MEI4: variants seen among roughly 807,000 people sequenced by gnomAD.
MEI4 encodes the protein meiosis-specific protein MEI4.
In MEI4, 27 loss-of-function variants were observed where a neutral mutation model predicts 31.4. That is an observed-to-expected ratio of 0.86 (90% CI 0.63 to 1.19). The LOEUF is 1.19. Among genes scored for constraint, MEI4 ranks in the 50% most tolerant of loss-of-function variants. The pLI is 0.00. For synonymous variants in MEI4, 122 were observed against 145.4 expected, an observed-to-expected ratio of 0.84 and a Z score of 1.16; for missense variants, 329 against 398.9, an observed-to-expected ratio of 0.82 and a Z score of 1.49.
chr6:77,672,386 T>A (rs1049335918), intron 1 of MEI4, among the ~76,000 whole-genome samples: 26 of 152,248 alleles, frequency 1.7e-4, no homozygotes, highest in Non-Finnish European at 2.9e-5. Flanking sequence ...TATTTAAAAT[T>A]ATTTTTAATT....
intron 4 of MEI4, among the ~76,000 whole-genome samples, chr6:77,875,793 G>C (rs777637966): frequency 2.6e-5 from 4 of 152,146 alleles, no homozygotes; most frequent in African/African-American, 9.7e-5. Flanking sequence ...TATAGCATGA[G>C]AGATGCATAT....
intron 4 of MEI4, among the ~76,000 whole-genome samples, chr6:77,845,844 A>G (rs1308394170): frequency 6.8e-6 from 1 of 147,962 alleles, no homozygotes; most frequent in Non-Finnish European, 1.5e-5. Flanking sequence ...TTTCATTGAG[A>G]TATTTGTTGA....
chr6:77,870,137 A>G (rs1771155721), intron 4 of MEI4, among the ~76,000 whole-genome samples: 1 of 152,168 alleles, frequency 6.6e-6, no homozygotes, highest in African/African-American at 2.4e-5. Context: ...CAAATTTAAG[A>G]TAGTATGAAA....
intron 1 of MEI4, among the ~76,000 whole-genome samples, chr6:77,667,243 A>G (rs1255411720): frequency 2.0e-5 from 3 of 152,228 alleles, no homozygotes; most frequent in South Asian, 2.1e-4. Flanking sequence ...AGAGTATCCA[A>G]TTTTCAGAGG....
intron 4 of MEI4, among the ~76,000 whole-genome samples, chr6:77,919,139 C>G (rs994248260): frequency 2.6e-5 from 4 of 151,922 alleles, no homozygotes; most frequent in Admixed American, 2.0e-4. Context: ...AGTTCTGCAC[C>G]AAGCGGACCT....
intron 1 of MEI4, among the ~76,000 whole-genome samples, chr6:77,671,679 A>G (rs965956803): frequency 6.9e-6 from 1 of 144,040 alleles, no homozygotes. Context: ...CAGTGTATCT[A>G]TAAGGCCTTT....
chr6:77,653,232 A>C, intron 1 of MEI4, among the ~76,000 whole-genome samples, 140 bp downstream of exon 1: 1 of 152,206 alleles, frequency 6.6e-6, no homozygotes, highest in Non-Finnish European at 1.5e-5. Context: ...CTAAATATGA[A>C]CTAAGTAGAC....
chr6:77,892,166 G>A (rs1765975659), intron 4 of MEI4, among the ~76,000 whole-genome samples: 2 of 152,162 alleles, frequency 1.3e-5, no homozygotes, highest in Admixed American at 1.3e-4. Context: ...GGTGTACATA[G>A]TGGGTGTGGT....
At chr6:77,658,557 G>A (rs142964900) in intron 1 of MEI4, among the ~76,000 whole-genome samples, 3,890 of 152,084 alleles carry the variant, frequency 0.026, 178 homozygotes, top group African/African-American at 0.088. Flanking sequence ...GAGAGTGGGC[G>A]ATGTTTCTCA....
intron 4 of MEI4, among the ~76,000 whole-genome samples, chr6:77,873,639 T>C (rs946634938): frequency 2.1e-4 from 32 of 152,392 alleles, no homozygotes; most frequent in African/African-American, 7.2e-4. Context: ...TTGGCTTTTG[T>C]TGCCATTGCT....
At chr6:77,778,718 T>A (rs1265461859) in intron 3 of MEI4, among the ~76,000 whole-genome samples, 2 of 150,258 alleles carry the variant, frequency 1.3e-5, no homozygotes, top group African/African-American at 4.9e-5. Flanking sequence ...AATAAATAAA[T>A]AAATAAATAA....
chr6:77,733,564 A>T (rs1157230973), intron 2 of MEI4, among the ~76,000 whole-genome samples: 4 of 151,732 alleles, frequency 2.6e-5, no homozygotes, highest in Non-Finnish European at 4.4e-5. Flanking sequence ...TTTGTTGATC[A>T]TTTCAAAAAA....
At chr6:77,872,134 C>T (rs1562020570) in intron 4 of MEI4, among the ~76,000 whole-genome samples, 1 of 152,140 alleles carries the variant, frequency 6.6e-6, no homozygotes, top group African/African-American at 2.4e-5. Flanking sequence ...GCAGTGTTCC[C>T]AGGCCACCGT....
rs1770506913 is a variant in MEI4 at position 77,847,087 on chromosome 6, G to T, written c.900+18025G>T. ...TCTGTGCTTTTACTAGGAGTTGAAA[G>T]GAGTGAGGGAATATTGTTTTTTTTT... On this transcript the variant is annotated intron_variant, in intron 4 of 4. Transcript: ENST00000684080. This position sits in a 1 kb window ranked among gnomAD's most constrained non-coding sequence, Gnocchi z 4.6. Among the ~76,000 whole-genome samples, 2 of 150,510 alleles carry T rather than the reference G, an allele frequency of 1.3e-5. No individual in the cohort carries two copies. The highest frequency in any genetic ancestry group is 4.2e-4 in the South Asian group (2 of 4,744).
intron 2 of MEI4, among the ~76,000 whole-genome samples, chr6:77,751,883 C>G (rs1235871827): frequency 6.6e-6 from 1 of 152,126 alleles, no homozygotes; most frequent in Non-Finnish European, 1.5e-5. Flanking sequence ...TACTGGCAAA[C>G]CGAATCCAGC....
chr6:77,884,735 C>T (rs1168335703), intron 4 of MEI4, among the ~76,000 whole-genome samples: 1 of 152,104 alleles, frequency 6.6e-6, no homozygotes, highest in Non-Finnish European at 1.5e-5. Context: ...ATACCAATAC[C>T]ATTCTGGTTT....
chr6:77,811,513 T>C (rs1480646467), intron 3 of MEI4, among the ~76,000 whole-genome samples: 2 of 152,128 alleles, frequency 1.3e-5, no homozygotes, highest in African/African-American at 4.8e-5. Context: ...TAATGTATTT[T>C]AACATTTTGA....
intron 2 of MEI4, among the ~76,000 whole-genome samples, chr6:77,735,067 G>C (rs147184590): frequency 2.0e-5 from 3 of 151,938 alleles, no homozygotes; most frequent in Admixed American, 2.0e-4. Flanking sequence ...TGCCCTTAAC[G>C]TTTTTTCCTT....
At chr6:77,808,862 T>G (rs889671154) in intron 3 of MEI4, among the ~76,000 whole-genome samples, 1 of 152,194 alleles carries the variant, frequency 6.6e-6, no homozygotes, top group Non-Finnish European at 1.5e-5. Flanking sequence ...TTTTCAAGGC[T>G]GTCCTAAGTT....
Sources: allele counts gnomAD v4.1 joint callset (sites outside exome capture counted in the v4.1 genomes callset), GRCh38; gene constraint gnomAD v4.1.1; non-coding constraint Gnocchi (gnomAD v3.1); transcripts MANE v1.5; gene names NCBI Gene and HGNC (gene_info 2026-07-23, HGNC 2026-07-21).